FHAD1: variants seen among roughly 807,000 people sequenced by gnomAD.
FHAD1 encodes forkhead associated phosphopeptide binding domain 1.
In FHAD1, 146 loss-of-function variants were observed where a neutral mutation model predicts 191.3. The ratio of observed to expected loss-of-function variants is 0.76; its 90% CI spans 0.67 to 0.88. The LOEUF is 0.88. Among genes scored for constraint, FHAD1 ranks in the 40% least tolerant of loss-of-function variants. The pLI is 0.00. For synonymous variants in FHAD1, 616 were observed against 672.3 expected, an observed-to-expected ratio of 0.92 and a Z score of 1.29; for missense variants, 1,635 against 1,785.8, an observed-to-expected ratio of 0.92 and a Z score of 1.52.
intron 4 of FHAD1, 135 bp from the exon 5 acceptor site, chr1:15,296,549 G>A (rs577561673): frequency 1.6e-4 from 140 of 880,064 alleles, no homozygotes; most frequent in East Asian, 1.2e-3. Flanking sequence ...CACAGCGCCC[G>A]GCCTTTAATT....
chr1:15,383,264 C>T (rs1215177514), intron 31 of FHAD1: 4 of 468,090 alleles, frequency 8.5e-6, no homozygotes, highest in East Asian at 6.9e-5. Flanking sequence ...ACCTCAGGAG[C>T]CAAGTGCTTT....
chr1:15,388,218 G>A (rs977084559), intron 32 of FHAD1, 87 bp downstream of exon 32: 15 of 814,544 alleles, frequency 1.8e-5, no homozygotes, highest in African/African-American at 9.7e-5. Flanking sequence ...ATGCCTGCAC[G>A]CGCTGCCCAA....
intron 26 of FHAD1, among the ~76,000 whole-genome samples, chr1:15,373,146 C>T (rs922156885): frequency 6.6e-6 from 1 of 152,060 alleles, no homozygotes; most frequent in Admixed American, 6.5e-5. Context: ...ATATTTGTGT[C>T]GATGTGAATT....
intron 20 of FHAD1, among the ~76,000 whole-genome samples, chr1:15,354,368 G>A (rs956483259): frequency 3.9e-5 from 6 of 152,160 alleles, no homozygotes; most frequent in African/African-American, 1.4e-4. Context: ...GTCAGCCCTG[G>A]ACACCAGTCT....
At chr1:15,294,404 T>C (rs1167679514) in intron 4 of FHAD1, among the ~76,000 whole-genome samples, 1 of 152,088 alleles carries the variant, frequency 6.6e-6, no homozygotes, top group African/African-American at 2.4e-5. Context: ...GTCCCGTGCA[T>C]TGTTTTTGAG....
intron 18 of FHAD1, among the ~76,000 whole-genome samples, chr1:15,346,279 C>T (rs998651920): frequency 6.6e-6 from 1 of 152,158 alleles, no homozygotes. Flanking sequence ...TATATTTGGC[C>T]CCGGAATATT....
chr1:15,354,357 C>T (rs1000408124), intron 20 of FHAD1, among the ~76,000 whole-genome samples: 6 of 152,296 alleles, frequency 3.9e-5, no homozygotes, highest in Non-Finnish European at 7.3e-5. Context: ...CTGGATCGCA[C>T]GTCAGCCCTG....
chr1:15,311,751 T>C lies in FHAD1; in HGVS notation c.1040-1306T>C, dbSNP rs1389238684. On this transcript the variant is annotated intron_variant, in intron 7 of 33. Transcript: ENST00000688493. This position sits in a 1 kb window ranked among gnomAD's most constrained non-coding sequence, Gnocchi z 4.1. ...GCATTATGCACCCTTCTTCTCACTT[T>C]TTCTCAATGTGATAATACAATAATA... Among the ~76,000 whole-genome samples, 2 of 152,246 alleles carry C rather than the reference T, an allele frequency of 1.3e-5. No homozygotes were observed.
chr1:15,314,018 C>CTG (rs1347423096), intron 8 of FHAD1, among the ~76,000 whole-genome samples: 1 of 151,546 alleles, frequency 6.6e-6, no homozygotes, highest in East Asian at 1.9e-4. Context: ...TGAGATCGCG[C>CTG]CATTGCACTC....
intron 27 of FHAD1, among the ~76,000 whole-genome samples, chr1:15,374,868 T>TTTTTTTTTTG (rs1558266878): frequency 6.7e-6 from 1 of 149,612 alleles, no homozygotes. Flanking sequence ...TTGTTTGTTT[T>TTTTTTTTTTG]TTTTTTTTGA....
In FHAD1 at chr1:15,341,882, G is replaced by C; in HGVS notation, c.2124G>C (p.Glu708Asp). Reference protein sequence around the residue: ...LKAKIRQLTEEKAALEEYITQ... With the variant: ...LKAKIRQLTEDKAALEEYITQ... Reference sequence around the variant, plus strand: ...CCAAAATCAGGCAACTGACGGAAGAGAAGGCGGTAAGGTGGTCCCTGCCAT... The same window carrying C: ...CCAAAATCAGGCAACTGACGGAAGACAAGGCGGTAAGGTGGTCCCTGCCAT... Residue 708 changes from glutamate (E) to aspartate (D), a missense_variant, in exon 16 of 34, where the codon GAG becomes GAC. Physicochemically the swap from Glu to Asp is conservative, Grantham distance 45. Transcript: ENST00000688493. The C allele has an allele frequency of 1.3e-6, 2 of 1,551,472 alleles. No homozygotes were observed. Among genetic ancestry groups the C allele is most frequent in the Non-Finnish European group, 1.7e-6 (2 of 1,146,858 alleles).
In FHAD1 at chr1:15,320,574, C is replaced by T. The variant is rs148917061; in HGVS notation, c.1365+2646C>T. Among the ~76,000 whole-genome samples the T allele has an allele frequency of 1.8e-4, 27 of 152,222 alleles. No homozygotes were observed. In the East Asian group the frequency reaches 3.9e-3, roughly 22 times the overall value. On this transcript the variant is annotated intron_variant, in intron 10 of 33. Coordinates refer to ENST00000688493, the MANE Select transcript of FHAD1 (RefSeq NM_001391957.1). ...TATTTACCATTTCATTACTTCCTAT[C>T]GAATCAAATCTTTGGCTATCACAAG...
chr1:15,265,793 G>A (rs1653158399), intron 2 of FHAD1, among the ~76,000 whole-genome samples: 1 of 151,926 alleles, frequency 6.6e-6, no homozygotes, highest in African/African-American at 2.4e-5. Flanking sequence ...CTAACATGGT[G>A]AAACCCTGTC....
At chr1:15,265,999 A>C (rs1195632877) in intron 2 of FHAD1, among the ~76,000 whole-genome samples, 1 of 147,498 alleles carries the variant, frequency 6.8e-6, no homozygotes, top group Admixed American at 6.8e-5. Context: ...AGAGAGAGAG[A>C]GTTCTTAGAG....
intron 27 of FHAD1, 111 bp downstream of exon 27, chr1:15,374,742 G>T: frequency 7.2e-7 from 1 of 1,388,322 alleles, no homozygotes; most frequent in Non-Finnish European, 9.8e-7. Context: ...CCCAGAACTT[G>T]GAGGACATTG....
Position 15,312,559 on chromosome 1 carries a change from G to A in FHAD1, c.1040-498G>A, listed in dbSNP as rs1436664262. On this transcript the variant is annotated intron_variant, in intron 7 of 33. Coordinates refer to ENST00000688493, the MANE Select transcript of FHAD1 (RefSeq NM_001391957.1). This position sits in a 1 kb window ranked among gnomAD's most constrained non-coding sequence, Gnocchi z 4.7. ...TACCTGTAGTCCTAGCTACTTGGGA[G>A]GCCAAGGCAGGAGGATCGCCTGAGT... 6.6e-6 allele frequency among the ~76,000 whole-genome samples: 1 copy of A among 152,178 alleles called. No homozygotes were observed. Among genetic ancestry groups the A allele is most frequent in the Non-Finnish European group, 1.5e-5 (1 of 68,036 alleles).
In FHAD1 at chr1:15,381,205, C is replaced by T. The variant is rs1359567750; in HGVS notation, c.3802-26C>T. On this transcript the variant is annotated intron_variant, in intron 29 of 33. Transcript: ENST00000688493. The surrounding 1 kb of genome is among the most constrained non-coding windows in gnomAD (Gnocchi z 4.6). Reference sequence around the variant, plus strand: ...CCACCAGCGGCCGCGGGTAATGCCTCTTATGCGCGAACGTTTTCCTTGTAG... The same window carrying T: ...CCACCAGCGGCCGCGGGTAATGCCTTTTATGCGCGAACGTTTTCCTTGTAG... 3 of 1,520,728 alleles carry T rather than the reference C, an allele frequency of 2.0e-6. No individual in the cohort carries two copies. The highest frequency in any genetic ancestry group is 2.7e-6 in the Non-Finnish European group (3 of 1,119,558). The allele number at this position is 1,520,728 out of a possible 1,614,324, so 94.2% of individuals were successfully genotyped here.
At chr1:15,258,752 A>AT (rs34197883) in intron 2 of FHAD1, among the ~76,000 whole-genome samples, 107,365 of 151,374 alleles carry the variant, frequency 0.71, 39,102 homozygotes, top group East Asian at 0.95. Context: ...CGCCCGGCTA[A>AT]TTTTTTTGTA....
At chr1:15,385,317 C>T (rs1701872073) in intron 31 of FHAD1, among the ~76,000 whole-genome samples, 1 of 147,956 alleles carries the variant, frequency 6.8e-6, no homozygotes, top group Admixed American at 6.8e-5. Flanking sequence ...CGATTTTTTT[C>T]CACGTCTCCT....
Sources: gnomAD v4.1 joint callset for allele counts (sites outside exome capture counted in the v4.1 genomes callset) on GRCh38, gnomAD v4.1.1 for gene constraint, Gnocchi (gnomAD v3.1) non-coding constraint, MANE v1.5 for transcripts, NCBI Gene and HGNC (gene_info 2026-07-23, HGNC 2026-07-21) for gene names.